Variants in PLEKHD1 observed in about 807,000 individuals in gnomAD.
PLEKHD1 encodes the protein pleckstrin homology domain-containing family D member 1.
PLEKHD1 carries 51 observed loss-of-function variants against 69.2 expected under a neutral mutation model. That is an observed-to-expected ratio of 0.74 (90% CI 0.59 to 0.93). The LOEUF is 0.93. Ranked by LOEUF, PLEKHD1 falls within the 40% of genes least tolerant of loss-of-function variation. The probability of loss-of-function intolerance (pLI) is 0.00; values close to 1 mark genes in which losing one functional copy is unlikely to be tolerated. For synonymous variants in PLEKHD1, 236 were observed against 244.7 expected (o/e 0.96, Z 0.33); for missense variants, 584 against 641.0 (o/e 0.91, Z 0.96).
intron 5 of PLEKHD1, chr14:69,502,349 G>A (rs79830072): frequency 0.017 from 3,322 of 199,272 alleles, 81 homozygotes; most frequent in African/African-American, 0.055. Context: ...GCCCCTGACA[G>A]GTTGGTAAAC....
chr14:69,473,349 C>T, the PLEKHD1 span, among the ~76,000 whole-genome samples: 1 of 151,848 alleles, frequency 6.6e-6, no homozygotes, highest in Non-Finnish European at 1.5e-5. Context: ...CCCACCAACC[C>T]TCCCTCTCCC....
chr14:69,525,299 G>T (rs1455091644), intron 8 of PLEKHD1, among the ~76,000 whole-genome samples: 1 of 152,144 alleles, frequency 6.6e-6, no homozygotes, highest in Non-Finnish European at 1.5e-5. Context: ...AGGCTGCAAA[G>T]GTTTCTTGTC....
intron 6 of PLEKHD1, among the ~76,000 whole-genome samples, chr14:69,514,345 C>G (rs562438637): frequency 8.6e-5 from 13 of 151,902 alleles, no homozygotes; most frequent in African/African-American, 3.1e-4. Context: ...TTTCCTCGGC[C>G]ATGTCCAGTC....
chr14:69,519,544 G>T (rs1241075462), intron 6 of PLEKHD1, among the ~76,000 whole-genome samples: 1 of 152,144 alleles, frequency 6.6e-6, no homozygotes, highest in Non-Finnish European at 1.5e-5. Context: ...GGGGAAGGAA[G>T]GGAATTCCAG....
chr14:69,472,042 A>G, the PLEKHD1 span, among the ~76,000 whole-genome samples: 1 of 152,078 alleles, frequency 6.6e-6, no homozygotes, highest in Admixed American at 6.5e-5. Context: ...CTACTTCTCA[A>G]TGGTCCCAGC....
chr14:69,485,243 T>C (rs977879267), intron 1 of PLEKHD1, 129 bp downstream of exon 1: 20 of 1,112,462 alleles, frequency 1.8e-5, no homozygotes, highest in Non-Finnish European at 2.0e-5. Flanking sequence ...CCCTTTTCAC[T>C]CTACACTGGC....
In PLEKHD1 at chr14:69,524,323, G is replaced by A. The variant is rs774654934; in HGVS notation, c.744+1G>A. 1 of 1,550,922 alleles carries A rather than the reference G, an allele frequency of 6.4e-7. No homozygotes were observed. The stretch of plus-strand genomic sequence containing the variant: ...GGAGTCCTTGCAGCAGACACTGGAG[G>A]TGAGGGGCTGCTGGTGGGTTAGTTG... On this transcript the variant is annotated splice_donor_variant, in intron 8 of 12. Coordinates refer to ENST00000322564, the MANE Select transcript of PLEKHD1 (RefSeq NM_001161498.2). LOFTEE classifies it high-confidence loss of function.
the PLEKHD1 span, among the ~76,000 whole-genome samples, chr14:69,470,601 C>A: frequency 6.6e-6 from 1 of 152,190 alleles, no homozygotes; most frequent in East Asian, 1.9e-4. Flanking sequence ...AAGAAAGAGG[C>A]AATGTGGTGT....
the PLEKHD1 span, among the ~76,000 whole-genome samples, chr14:69,469,274 C>T: frequency 6.6e-6 from 1 of 152,210 alleles, no homozygotes; most frequent in East Asian, 1.9e-4. Context: ...TTATTTTTGG[C>T]AGCTACTCTC....
chr14:69,487,167 G>T (rs1178569201), intron 1 of PLEKHD1, among the ~76,000 whole-genome samples: 3 of 147,226 alleles, frequency 2.0e-5, no homozygotes, highest in African/African-American at 7.6e-5. Flanking sequence ...TGTGTTCTCA[G>T]TTCTGGGAAT....
intron 8 of PLEKHD1, 124 bp from the exon 9 acceptor site, chr14:69,525,820 T>A: frequency 1.1e-6 from 1 of 911,044 alleles, no homozygotes; most frequent in Non-Finnish European, 1.6e-6. Flanking sequence ...AATGAAGACA[T>A]TTCAGCGGCC....
upstream of PLEKHD1, among the ~76,000 whole-genome samples, chr14:69,482,227 A>G (rs1882554202): frequency 6.6e-6 from 1 of 152,246 alleles, no homozygotes; most frequent in South Asian, 2.1e-4. Flanking sequence ...TGAAGGAATC[A>G]GCCTTCCCCA....
At chr14:69,512,444 C>CT (rs1025380767) in intron 6 of PLEKHD1, among the ~76,000 whole-genome samples, 20 of 150,344 alleles carry the variant, frequency 1.3e-4, no homozygotes, top group South Asian at 6.3e-4. Flanking sequence ...TTAATTTTCT[C>CT]TTTTTTTTTC....
chr14:69,520,428 A>G (rs1470296471), intron 6 of PLEKHD1, among the ~76,000 whole-genome samples: 1 of 152,068 alleles, frequency 6.6e-6, no homozygotes, highest in Non-Finnish European at 1.5e-5. Context: ...ACTTTTCTGA[A>G]GCTCCAAACT....
At chr14:69,478,637 TA>T in the PLEKHD1 span, among the ~76,000 whole-genome samples, 1 of 152,198 alleles carries the variant, frequency 6.6e-6, no homozygotes, top group Non-Finnish European at 1.5e-5. Context: ...GGCAAAATGC[TA>T]CCAGTTTCTT....
rs1426284409 is a variant in PLEKHD1, at chr14:69,530,581, C to T, written c.*2162C>T. ...TTGTTTTTCTTGGGCGAGCTATTAA[C>T]CAGACAGGAAAGTGCTAGTCTTCGT... is the stretch of plus-strand genomic sequence containing the variant. On this transcript the variant is annotated 3_prime_UTR_variant, in exon 13 of 13. Transcript: ENST00000322564. The T allele has an allele frequency of 4.6e-5, 7 of 152,112 alleles. No homozygotes were observed. The highest frequency in any genetic ancestry group is 4.6e-4 in the Admixed American group (7 of 15,266). The allele number at this position is 152,112 out of a possible 1,614,324, so 9.4% of individuals were successfully genotyped here. A position where few individuals can be genotyped will look rare whatever the true frequency, so the allele number is the denominator to read the frequency against.
At chr14:69,472,065 G>A in the PLEKHD1 span, among the ~76,000 whole-genome samples, 1 of 151,900 alleles carries the variant, frequency 6.6e-6, no homozygotes, top group Non-Finnish European at 1.5e-5. Flanking sequence ...CACACTCAAC[G>A]ACCCGTGCTG....
the PLEKHD1 span, among the ~76,000 whole-genome samples, chr14:69,478,167 G>A: frequency 1.1e-4 from 16 of 152,246 alleles, no homozygotes; most frequent in African/African-American, 3.6e-4. Flanking sequence ...CCTGAGGCTT[G>A]TGCCCTCTGA....
intron 1 of PLEKHD1, among the ~76,000 whole-genome samples, chr14:69,489,860 TG>T (rs869287988): frequency 1.4e-5 from 1 of 70,074 alleles, no homozygotes; most frequent in East Asian, 3.0e-4. Flanking sequence ...ATATATTTTT[TG>T]TTTGTTTGTT....
Sources: allele counts gnomAD v4.1 joint callset (sites outside exome capture counted in the v4.1 genomes callset), GRCh38; gene constraint gnomAD v4.1.1; transcripts MANE v1.5; gene names NCBI Gene and HGNC (gene_info 2026-07-23, HGNC 2026-07-21).